DPYSL5: variants seen among roughly 807,000 people sequenced by gnomAD.
The protein encoded by DPYSL5 is dihydropyrimidinase like 5.
DPYSL5 carries 9 observed loss-of-function variants against 58.4 expected under a neutral mutation model. That is an observed-to-expected ratio of 0.15 (90% CI 0.09 to 0.27). The LOEUF is 0.27. DPYSL5 is among the 10% of genes least tolerant of loss of function. The pLI is 1.00. For synonymous variants in DPYSL5, 293 were observed against 301.9 expected, an observed-to-expected ratio of 0.97 and a Z score of 0.31; for missense variants, 499 against 770.6, an observed-to-expected ratio of 0.65 and a Z score of 4.17.
At position 26,944,324 on chromosome 2, in the gene DPYSL5, T is replaced by G. The variant is rs1199167151; in HGVS notation, c.1441-332T>G. On this transcript the variant is annotated intron_variant, in intron 11 of 12. Coordinates refer to ENST00000288699, the MANE Select transcript of DPYSL5 (RefSeq NM_020134.4). The surrounding 1 kb of genome is among the most constrained non-coding windows in gnomAD (Gnocchi z 4.4). Reference sequence around the variant, plus strand: ...AAAAATTTGGTTAAAGTTGACTTCCTCAGATGTCTACCTGCTACCTCGGTG... The same window carrying G: ...AAAAATTTGGTTAAAGTTGACTTCCGCAGATGTCTACCTGCTACCTCGGTG... Among the ~76,000 whole-genome samples the G allele has an allele frequency of 6.6e-6, 1 of 152,092 alleles. No homozygotes were observed. The highest frequency in any genetic ancestry group is 2.1e-4 in the South Asian group (1 of 4,816).
At chr2:26,912,728 G>C (rs1241843290) in intron 2 of DPYSL5, among the ~76,000 whole-genome samples, 1 of 152,198 alleles carries the variant, frequency 6.6e-6, no homozygotes, top group Non-Finnish European at 1.5e-5. Context: ...TGGATGCTCG[G>C]CAGTGAAGAT....
rs1299811549 is a variant in DPYSL5, at chr2:26,942,829, A to G, written c.1440+79A>G. 1 of 1,499,476 alleles carries G rather than the reference A, an allele frequency of 6.7e-7. No individual in the cohort carries two copies. Among genetic ancestry groups the G allele is most frequent in the Non-Finnish European group, 9.2e-7 (1 of 1,090,178 alleles). 92.9% of individuals were successfully genotyped at this position (1,499,476 alleles called of 1,614,324 possible). Reference sequence around the variant, plus strand: ...TCCTCCATGACTGTTTTAAATCTCAAAGAGATGTTCACTCCAGTTTTCGAC... The same window carrying G: ...TCCTCCATGACTGTTTTAAATCTCAGAGAGATGTTCACTCCAGTTTTCGAC... On this transcript the variant is annotated intron_variant, in intron 11 of 12. Transcript: ENST00000288699. The surrounding 1 kb of genome is among the most constrained non-coding windows in gnomAD (Gnocchi z 5.9).
chr2:26,852,611 C>T (rs1430446508), intron 1 of DPYSL5, among the ~76,000 whole-genome samples: 1 of 152,192 alleles, frequency 6.6e-6, no homozygotes, highest in African/African-American at 2.4e-5. Flanking sequence ...CCTCCCTCGT[C>T]ACAATCCAGG....
At chr2:26,916,873 A>G (rs991051764) in intron 2 of DPYSL5, among the ~76,000 whole-genome samples, 7 of 152,194 alleles carry the variant, frequency 4.6e-5, no homozygotes, top group African/African-American at 1.7e-4. Context: ...TAAGCTCCTT[A>G]AGATGCTTAC....
chr2:26,933,551 A>G lies in DPYSL5; in HGVS notation c.790+218A>G, dbSNP rs908894328. Among the ~76,000 whole-genome samples, 1 of 152,230 alleles carries G rather than the reference A, an allele frequency of 6.6e-6. No individual in the cohort carries two copies. Among genetic ancestry groups the G allele is most frequent in the East Asian group, 1.9e-4 (1 of 5,202 alleles). Reference sequence around the variant, plus strand: ...CTTTTTCTTCTGCAAATTTGTATGCATAACAGCTTTACGGAAGTGTCTGTC... The same window carrying G: ...CTTTTTCTTCTGCAAATTTGTATGCGTAACAGCTTTACGGAAGTGTCTGTC... On this transcript the variant is annotated intron_variant, in intron 7 of 12. Transcript: ENST00000288699. The surrounding 1 kb of genome is among the most constrained non-coding windows in gnomAD (Gnocchi z 4.2).
At chr2:26,897,909 C>G (rs1240818502) in intron 1 of DPYSL5, among the ~76,000 whole-genome samples, 1 of 152,102 alleles carries the variant, frequency 6.6e-6, no homozygotes, top group African/African-American at 2.4e-5. Flanking sequence ...TGGTTGTGGA[C>G]TTCTTGAAGC....
chr2:26,888,209 TTTTC>T (rs70953832), intron 1 of DPYSL5, among the ~76,000 whole-genome samples: 9,101 of 104,868 alleles, frequency 0.087, 401 homozygotes, highest in East Asian at 0.16. Flanking sequence ...CTTCCCTTTC[TTTTC>T]TTTCTTTCTT....
chr2:26,891,158 TA>T (rs1663871024), intron 1 of DPYSL5, among the ~76,000 whole-genome samples: 1 of 152,148 alleles, frequency 6.6e-6, no homozygotes, highest in Admixed American at 6.5e-5. Flanking sequence ...TTCTTCTTGG[TA>T]AAAATGGGGG....
intron 2 of DPYSL5, among the ~76,000 whole-genome samples, chr2:26,921,923 C>G (rs901317337): frequency 1.3e-5 from 2 of 152,130 alleles, no homozygotes; most frequent in Non-Finnish European, 2.9e-5. Context: ...AAAGTCAAGA[C>G]CACCTCCTAT....
intron 5 of DPYSL5, among the ~76,000 whole-genome samples, chr2:26,931,203 G>GTGTGTATATATATATATATA (rs1474347605): frequency 4.5e-5 from 2 of 44,930 alleles, no homozygotes; most frequent in African/African-American, 8.1e-5. Context: ...GTGTGTGTGT[G>GTGTGTATATATATATATATA]TATATATATA....
intron 1 of DPYSL5, among the ~76,000 whole-genome samples, chr2:26,881,291 C>T (rs979886256): frequency 2.6e-5 from 4 of 152,178 alleles, no homozygotes; most frequent in African/African-American, 4.8e-5. Flanking sequence ...ATCACTGCCC[C>T]AGAAGAAGGG....
At chr2:26,907,121 T>TTTA (rs1664315267) in intron 2 of DPYSL5, among the ~76,000 whole-genome samples, 2 of 140,492 alleles carry the variant, frequency 1.4e-5, no homozygotes, top group African/African-American at 5.2e-5. Flanking sequence ...TATTTATTTA[T>TTTA]TTTATTTTTT....
chr2:26,860,560 C>T (rs1169910297), intron 1 of DPYSL5, among the ~76,000 whole-genome samples: 2 of 152,200 alleles, frequency 1.3e-5, no homozygotes, highest in Non-Finnish European at 1.5e-5. Context: ...TATACAAGCA[C>T]ATGTGCTTGA....
At chr2:26,906,851 C>T (rs1664305054) in intron 2 of DPYSL5, among the ~76,000 whole-genome samples, 1 of 152,106 alleles carries the variant, frequency 6.6e-6, no homozygotes, top group Admixed American at 6.6e-5. Context: ...GCGTCAACCA[C>T]CTGGGCTCAA....
intron 5 of DPYSL5, among the ~76,000 whole-genome samples, chr2:26,931,201 G>GTATA (rs1161770394): frequency 2.3e-3 from 126 of 54,552 alleles, no homozygotes; most frequent in East Asian, 0.011. Flanking sequence ...GTGTGTGTGT[G>GTATA]TGTATATATA....
At chr2:26,921,643 T>C (rs1181696607) in intron 2 of DPYSL5, among the ~76,000 whole-genome samples, 1 of 152,216 alleles carries the variant, frequency 6.6e-6, no homozygotes, top group Non-Finnish European at 1.5e-5. Flanking sequence ...ATGTATGTCT[T>C]GCCTAAGAGG....
chr2:26,931,558 T>C (rs891640660), intron 5 of DPYSL5, 82 bp from the exon 6 acceptor site: 1 of 1,566,578 alleles, frequency 6.4e-7, no homozygotes, highest in Non-Finnish European at 8.8e-7. Flanking sequence ...GTGCAGTTGC[T>C]CCATGAAGGG....
At chr2:26,876,478 A>C (rs183715221) in intron 1 of DPYSL5, among the ~76,000 whole-genome samples, 1 of 152,132 alleles carries the variant, frequency 6.6e-6, no homozygotes, top group African/African-American at 2.4e-5. Context: ...GAGAGATCCA[A>C]TTGGCTGTAG....
chr2:26,908,265 T>C (rs1223245272), intron 2 of DPYSL5, among the ~76,000 whole-genome samples: 2 of 152,218 alleles, frequency 1.3e-5, no homozygotes, highest in South Asian at 2.1e-4. Context: ...ATTTCATTCC[T>C]AGCGTTCGAA....
Sources: allele counts gnomAD v4.1 joint callset (sites outside exome capture counted in the v4.1 genomes callset), GRCh38; gene constraint gnomAD v4.1.1; non-coding constraint Gnocchi (gnomAD v3.1); transcripts MANE v1.5; gene names NCBI Gene and HGNC (gene_info 2026-07-23, HGNC 2026-07-21).